The following FBXO31 variants were observed in gnomAD, a reference collection of about 807,000 sequenced individuals.
FBXO31 encodes the protein F-box protein 31.
Under a neutral mutation model 54.4 loss-of-function variants are expected in FBXO31, and 24 were observed. The observed-to-expected ratio is 0.44, with a 90% CI of 0.32 to 0.62. The LOEUF (loss-of-function observed/expected upper bound fraction) is 0.62, where lower values mean the gene tolerates loss of function less well. FBXO31 is among the 20% of genes least tolerant of loss of function. The pLI, the probability that FBXO31 is intolerant of heterozygous loss-of-function variation, is 0.05. For synonymous variants in FBXO31, 388 were observed against 335.6 expected (o/e 1.16, Z -1.71); for missense variants, 665 against 787.1 (o/e 0.84, Z 1.86).
chr16:87,374,379 G>A (rs1007436826), intron 1 of FBXO31, among the ~76,000 whole-genome samples: 2 of 152,096 alleles, frequency 1.3e-5, no homozygotes, highest in African/African-American at 4.8e-5. Flanking sequence ...CTACAGCTGC[G>A]CAAAATCATC....
chr16:87,339,664 T>C (rs908335512), intron 5 of FBXO31, among the ~76,000 whole-genome samples: 15 of 152,142 alleles, frequency 9.9e-5, no homozygotes, highest in Non-Finnish European at 1.8e-4. Flanking sequence ...GATGGGGGTG[T>C]GGACATCACA....
intron 1 of FBXO31, among the ~76,000 whole-genome samples, chr16:87,365,010 AATATAT>A (rs55746745): frequency 0.42 from 19,988 of 47,722 alleles, 6,382 homozygotes; most frequent in Non-Finnish European, 0.52. Context: ...CCGTCTCTTA[AATATAT>A]ATATATATAT....
chr16:87,351,674 G>C (rs1905665209), intron 2 of FBXO31, among the ~76,000 whole-genome samples: 1 of 152,154 alleles, frequency 6.6e-6, no homozygotes, highest in Non-Finnish European at 1.5e-5. Flanking sequence ...TTTAAGACCA[G>C]CCTGGCCAAC....
intron 1 of FBXO31, among the ~76,000 whole-genome samples, chr16:87,360,787 T>C (rs1211537695): frequency 6.6e-6 from 1 of 152,144 alleles, no homozygotes; most frequent in East Asian, 1.9e-4. Flanking sequence ...CCCATGTACT[T>C]CCCTGTGCTG....
chr16:87,330,251 G>A lies in FBXO31; in HGVS notation c.*1037C>T, dbSNP rs929427981. On this transcript the variant is annotated 3_prime_UTR_variant, in exon 9 of 9. Coordinates refer to ENST00000311635, the MANE Select transcript of FBXO31 (RefSeq NM_024735.5). ...GAGGCATCAGTCCATGGGGTCTCCA[G>A]GCTGGAGGGTCCCACTTTCCAAAGT... 3.3e-5 allele frequency: 5 copies of A among 152,302 alleles called. No individual in the cohort carries two copies. Among genetic ancestry groups the A allele is most frequent in the African/African-American group, 4.8e-5 (2 of 41,470 alleles). 9.4% of individuals were successfully genotyped at this position (152,302 alleles called of 1,614,324 possible). A position where few individuals can be genotyped will look rare whatever the true frequency, so the allele number is the denominator to read the frequency against.
chr16:87,372,923 C>G (rs1260425954), intron 1 of FBXO31, among the ~76,000 whole-genome samples: 1 of 151,556 alleles, frequency 6.6e-6, no homozygotes, highest in Non-Finnish European at 1.5e-5. Flanking sequence ...TCTGTAGAGA[C>G]GGGGTTTCAC....
At chr16:87,340,702 A>ATTTT (rs1444926181) in intron 5 of FBXO31, among the ~76,000 whole-genome samples, 1 of 152,246 alleles carries the variant, frequency 6.6e-6, no homozygotes, top group Non-Finnish European at 1.5e-5. Context: ...TCATGCCTGT[A>ATTTT]GCCCCAGCAC....
At chr16:87,372,860 C>T (rs1906661010) in intron 1 of FBXO31, among the ~76,000 whole-genome samples, 1 of 151,718 alleles carries the variant, frequency 6.6e-6, no homozygotes, top group African/African-American at 2.4e-5. Context: ...CCTCAGCCTC[C>T]CAAGTAGCTG....
intron 1 of FBXO31, among the ~76,000 whole-genome samples, chr16:87,371,348 G>A (rs945568994): frequency 2.0e-5 from 3 of 152,168 alleles, no homozygotes; most frequent in Non-Finnish European, 4.4e-5. Context: ...CTGGCCAAGG[G>A]AGTCCCCTCT....
At position 87,350,437 on chromosome 16, in the gene FBXO31, A is replaced by G. The variant is rs547595439; in HGVS notation, c.413-3187T>C. The stretch of plus-strand genomic sequence containing the variant: ...CCCCTTTAGGAACAATCCTGAGTCC[A>G]TTTACAGGACACAGTCAAGCCAGTC... On this transcript the variant is annotated intron_variant, in intron 2 of 8. Transcript: ENST00000311635. Among the ~76,000 whole-genome samples the G allele has an allele frequency of 5.9e-5, 9 of 152,264 alleles. No individual in the cohort carries two copies. In the East Asian group the frequency reaches 1.7e-3, roughly 29 times the overall value.
At chr16:87,369,100 T>TATTATTTATTTTTTTC (rs1597375565) in intron 1 of FBXO31, among the ~76,000 whole-genome samples, 1 of 152,190 alleles carries the variant, frequency 6.6e-6, no homozygotes, top group Admixed American at 6.5e-5. Context: ...TTATTTTTTT[T>TATTATTTATTTTTTTC]ATTTTTTATT....
intron 5 of FBXO31, among the ~76,000 whole-genome samples, chr16:87,342,353 C>A (rs1905220906): frequency 6.6e-6 from 1 of 152,198 alleles, no homozygotes; most frequent in African/African-American, 2.4e-5. Flanking sequence ...CCGCACCTTC[C>A]TTCTTAAGAG....
intron 1 of FBXO31, among the ~76,000 whole-genome samples, chr16:87,378,689 C>T (rs887244908): frequency 2.6e-5 from 4 of 152,180 alleles, no homozygotes; most frequent in African/African-American, 7.2e-5. Context: ...TGGCTGGGCG[C>T]GGTGGCTCAC....
intron 3 of FBXO31, among the ~76,000 whole-genome samples, chr16:87,344,790 C>T (rs868753936): frequency 7.2e-5 from 11 of 152,328 alleles, no homozygotes; most frequent in East Asian, 3.9e-4. Context: ...GAGCACGCGA[C>T]GCCCAACACA....
At chr16:87,385,749 C>G (rs182843638), upstream of FBXO31, among the ~76,000 whole-genome samples, 435 of 152,222 alleles carry the variant, frequency 2.9e-3, 1 homozygote, top group Non-Finnish European at 3.7e-3. Flanking sequence ...TGGCTCACAC[C>G]TGTAATCCCA....
At chr16:87,368,311 GAA>G (rs1013342069) in intron 1 of FBXO31, among the ~76,000 whole-genome samples, 5 of 152,152 alleles carry the variant, frequency 3.3e-5, no homozygotes, top group African/African-American at 1.2e-4. Context: ...TCCACATGAT[GAA>G]AAAAGTCTTT....
intron 2 of FBXO31, among the ~76,000 whole-genome samples, chr16:87,348,184 G>C (rs1905478192): frequency 6.6e-6 from 1 of 152,226 alleles, no homozygotes; most frequent in East Asian, 1.9e-4. Context: ...CAGGCTCTAG[G>C]CCCTCAGCCA....
At chr16:87,392,075 A>G (rs1907583037), upstream of FBXO31, 2 of 223,704 alleles carry the variant, frequency 8.9e-6, no homozygotes, top group South Asian at 1.6e-4. Context: ...CCAGCCCACA[A>G]CCGTCACCTC....
intron 2 of FBXO31, among the ~76,000 whole-genome samples, chr16:87,359,498 TAGAG>T (rs1226873579): frequency 6.6e-6 from 1 of 152,124 alleles, no homozygotes; most frequent in Non-Finnish European, 1.5e-5. Context: ...TGACAACTCT[TAGAG>T]AGAAATATGT....
Sources: gnomAD v4.1 joint callset for allele counts (sites outside exome capture counted in the v4.1 genomes callset) on GRCh38, gnomAD v4.1.1 for gene constraint, MANE v1.5 for transcripts, NCBI Gene and HGNC (gene_info 2026-07-23, HGNC 2026-07-21) for gene names.